AGR3: variants seen among roughly 807,000 people sequenced by gnomAD.
AGR3 encodes anterior gradient 3, protein disulphide isomerase family member, also known as anterior gradient protein 3.
Under a neutral mutation model 24.5 loss-of-function variants are expected in AGR3, and 37 were observed. The ratio of observed to expected loss-of-function variants is 1.51; its 90% CI spans 1.16 to 1.99. The LOEUF (loss-of-function observed/expected upper bound fraction) is 1.99. AGR3 is among the 30% of genes most tolerant of loss of function. The pLI, the probability that AGR3 is intolerant of heterozygous loss-of-function variation, is 0.00. For synonymous variants in AGR3, 75 were observed against 61.6 expected, an observed-to-expected ratio of 1.22 and a Z score of -1.02; for missense variants, 228 against 191.1, an observed-to-expected ratio of 1.19 and a Z score of -1.14.
chr7:16,881,725 G>C (rs918479184), intron 1 of AGR3, among the ~76,000 whole-genome samples: 2 of 150,804 alleles, frequency 1.3e-5, no homozygotes, highest in African/African-American at 2.4e-5. Context: ...AGTCGTTTTT[G>C]TGGTTGACGT....
chr7:16,864,010 A>T (rs188016534), intron 3 of AGR3, among the ~76,000 whole-genome samples: 123 of 152,306 alleles, frequency 8.1e-4, no homozygotes, highest in Middle Eastern at 3.4e-3. Context: ...CTTTATACAC[A>T]CTGACCTCTC....
chr7:16,856,463 A>C (rs149916778), downstream of AGR3, among the ~76,000 whole-genome samples: 2 of 152,198 alleles, frequency 1.3e-5, no homozygotes, highest in African/African-American at 2.4e-5. Context: ...TAACCAATAC[A>C]TTTTAGTGTG....
intron 3 of AGR3, chr7:16,865,398 G>A: frequency 2.0e-6 from 2 of 989,506 alleles, no homozygotes; most frequent in Non-Finnish European, 3.2e-6. Flanking sequence ...AGCCTCTATA[G>A]TCACTATTCG....
In AGR3 at chr7:16,862,612, T is replaced by G. The variant is rs766483018; in HGVS notation, c.224A>C (p.Gln75Pro). ...IHHLEDCQYS[Q>P]ALKKVFAQNE... ...AAGATATCAGGGGCTAAAATTACCT[T>G]GAGAGTATTGACAATCCTCCAGGTG... Residue 75 changes from glutamine to proline, a missense_variant and splice_region_variant, in exon 4 of 8, where the codon CAA (glutamine) becomes CCA (proline). Physicochemically the swap from Gln to Pro is moderately conservative, Grantham distance 76. Coordinates refer to ENST00000310398, the MANE Select transcript of AGR3 (RefSeq NM_176813.5). 6.6e-7 allele frequency: 1 copy of G among 1,517,984 alleles called. No homozygotes were observed. The highest frequency in any genetic ancestry group is 1.4e-5 in the South Asian group (1 of 73,784). 94.0% of individuals were successfully genotyped at this position (1,517,984 alleles called of 1,614,324 possible).
At chr7:16,875,917 T>C (rs1345413895) in intron 2 of AGR3, among the ~76,000 whole-genome samples, 1 of 152,188 alleles carries the variant, frequency 6.6e-6, no homozygotes, top group African/African-American at 2.4e-5. Context: ...TAAAAGTTAT[T>C]CTAAAACAGC....
chr7:16,875,548 A>G (rs1210522895), intron 2 of AGR3, among the ~76,000 whole-genome samples: 1 of 152,050 alleles, frequency 6.6e-6, no homozygotes, highest in South Asian at 2.1e-4. Flanking sequence ...TTTGTCTTTT[A>G]TGAATAATGA....
At chr7:16,863,060 ACT>A (rs1781680993) in intron 3 of AGR3, among the ~76,000 whole-genome samples, 4 of 152,154 alleles carry the variant, frequency 2.6e-5, no homozygotes, top group Admixed American at 2.6e-4. Flanking sequence ...ACAGAGCGAG[ACT>A]CTGTCTCAAA....
intron 2 of AGR3, among the ~76,000 whole-genome samples, chr7:16,876,257 C>G (rs1225069077): frequency 1.3e-5 from 2 of 152,180 alleles, no homozygotes; most frequent in African/African-American, 4.8e-5. Flanking sequence ...GCTCATTACT[C>G]TAATTCTAGC....
At position 16,877,601 on chromosome 7, in the gene AGR3, C is replaced by T. The variant is rs570218705; in HGVS notation, c.109+909G>A. On this transcript the variant is annotated intron_variant, in intron 2 of 7. Coordinates refer to ENST00000310398, the MANE Select transcript of AGR3 (RefSeq NM_176813.5). Reference sequence around the variant, plus strand: ...TTTCTTGGCCGGGCGCGGTGGCTCACGCCTGTAATCCCAGCACTTTGGGAG... The same window carrying T: ...TTTCTTGGCCGGGCGCGGTGGCTCATGCCTGTAATCCCAGCACTTTGGGAG... 2.8e-3 allele frequency among the ~76,000 whole-genome samples: 431 copies of T among 151,844 alleles called. 2 individuals are homozygous for T. The highest frequency in any genetic ancestry group is 9.8e-3 in the African/African-American group (407 of 41,464).
At chr7:16,859,088 G>T (rs1382692259), downstream of AGR3, among the ~76,000 whole-genome samples, 1 of 151,980 alleles carries the variant, frequency 6.6e-6, no homozygotes, top group Non-Finnish European at 1.5e-5. Flanking sequence ...GGAGGAGACA[G>T]AATTAAAATT....
At chr7:16,860,666 A>G (rs1022986871) in intron 6 of AGR3, 83 bp from the exon 7 acceptor site, 3 of 938,286 alleles carry the variant, frequency 3.2e-6, no homozygotes, top group Non-Finnish European at 5.0e-6. Context: ...TTATTATTTT[A>G]TATGTGGGGG....
intron 1 of AGR3, among the ~76,000 whole-genome samples, chr7:16,880,048 C>G (rs1782074481): frequency 1.5e-5 from 2 of 131,448 alleles, no homozygotes; most frequent in African/African-American, 3.3e-5. Context: ...GTCCCTCCCT[C>G]CTTCCCTTCC....
At chr7:16,859,177 T>C (rs1298336565), downstream of AGR3, among the ~76,000 whole-genome samples, 1 of 151,274 alleles carries the variant, frequency 6.6e-6, no homozygotes, top group Non-Finnish European at 1.5e-5. Flanking sequence ...GTTGGAGGAT[T>C]GCTTGAGCCC....
chr7:16,857,298 TAAC>T (rs1311297182), downstream of AGR3, among the ~76,000 whole-genome samples: 3 of 152,204 alleles, frequency 2.0e-5, no homozygotes, highest in Non-Finnish European at 4.4e-5. Context: ...ATTATATGTA[TAAC>T]AACATAGAAA....
chr7:16,881,390 G>A (rs998013364), intron 1 of AGR3, among the ~76,000 whole-genome samples: 14 of 152,058 alleles, frequency 9.2e-5, no homozygotes, highest in Admixed American at 6.5e-4. Context: ...AATAAATAAC[G>A]CTTTCCTTGG....
chr7:16,866,604 A>G (rs939317158), intron 3 of AGR3, among the ~76,000 whole-genome samples: 1 of 152,086 alleles, frequency 6.6e-6, no homozygotes, highest in Non-Finnish European at 1.5e-5. Flanking sequence ...TGTTTTTGCT[A>G]TTCTCACTAA....
chr7:16,862,141 T>C (rs1781663061), intron 4 of AGR3, 81 bp from the exon 5 acceptor site: 4 of 1,105,998 alleles, frequency 3.6e-6, no homozygotes, highest in Admixed American at 3.9e-5. Flanking sequence ...AAGCTAATAT[T>C]TAGCATTTGT....
chr7:16,874,254 T>C (rs975148529), intron 2 of AGR3, among the ~76,000 whole-genome samples: 1 of 152,078 alleles, frequency 6.6e-6, no homozygotes, highest in East Asian at 1.9e-4. Context: ...CTATTTTGGG[T>C]CCCAAGAGAT....
intron 3 of AGR3, among the ~76,000 whole-genome samples, chr7:16,867,373 A>T (rs1781777862): frequency 6.6e-6 from 1 of 152,020 alleles, no homozygotes; most frequent in Admixed American, 6.6e-5. Flanking sequence ...ACCTATCAAT[A>T]ATCTATTTAT....
Sources: gnomAD v4.1 joint callset for allele counts (sites outside exome capture counted in the v4.1 genomes callset) on GRCh38, gnomAD v4.1.1 for gene constraint, MANE v1.5 for transcripts, NCBI Gene and HGNC (gene_info 2026-07-23, HGNC 2026-07-21) for gene names.